The following HLCS variants were observed in gnomAD, a reference collection of about 807,000 sequenced individuals.
The protein encoded by HLCS is holocarboxylase synthetase, also known as biotin--protein ligase.
In HLCS, 53 loss-of-function variants were observed where a neutral mutation model predicts 75.0. The ratio of observed to expected loss-of-function variants is 0.71; its 90% CI spans 0.57 to 0.89. The LOEUF (loss-of-function observed/expected upper bound fraction) is 0.89. Ranked by LOEUF, HLCS falls within the 40% of genes least tolerant of loss-of-function variation. The pLI is 0.00. For synonymous variants in HLCS, 431 were observed against 428.6 expected (o/e 1.01, Z -0.07); for missense variants, 966 against 1,074.0 (o/e 0.90, Z 1.41).
At chr21:36,848,271 G>GC in intron 6 of HLCS, among the ~76,000 whole-genome samples, 1 of 138,586 alleles carries the variant, frequency 7.2e-6, no homozygotes, top group South Asian at 2.3e-4. Context: ...CATAATTGTT[G>GC]TTTTTTTTTT....
chr21:36,813,042 G>A (rs762050747), intron 6 of HLCS, among the ~76,000 whole-genome samples: 5 of 152,178 alleles, frequency 3.3e-5, no homozygotes, highest in Admixed American at 1.3e-4. Flanking sequence ...CTGAGCAACA[G>A]AGCGAGATTC....
chr21:36,841,795 G>A (rs2062626231), intron 6 of HLCS, among the ~76,000 whole-genome samples: 1 of 152,188 alleles, frequency 6.6e-6, no homozygotes, highest in Admixed American at 6.5e-5. Context: ...CAGCCACAGG[G>A]TAGGCCTGGC....
chr21:36,946,284 T>C (rs2067390085), intron 2 of HLCS: 1 of 159,656 alleles, frequency 6.3e-6, no homozygotes, highest in African/African-American at 2.4e-5. Flanking sequence ...TCTTACTTTA[T>C]CACCCAGGCT....
intron 6 of HLCS, among the ~76,000 whole-genome samples, chr21:36,881,591 C>CTT (rs372263053): frequency 7.0e-4 from 107 of 152,320 alleles, no homozygotes; most frequent in African/African-American, 2.0e-3. Flanking sequence ...GCAGAGAGAA[C>CTT]TTGTAACAGA....
At chr21:36,799,676 C>A (rs1005413655) in intron 6 of HLCS, among the ~76,000 whole-genome samples, 5 of 152,154 alleles carry the variant, frequency 3.3e-5, no homozygotes, top group Non-Finnish European at 5.9e-5. Context: ...CACATACTTT[C>A]GTCGGCCTGT....
intron 6 of HLCS, among the ~76,000 whole-genome samples, chr21:36,875,147 C>T (rs985839146): frequency 6.6e-6 from 1 of 152,140 alleles, no homozygotes; most frequent in Non-Finnish European, 1.5e-5. Context: ...TCAGCATAGA[C>T]AGCTGGGCAC....
chr21:36,987,621 C>T (rs940832824), intron 1 of HLCS, among the ~76,000 whole-genome samples: 2 of 152,114 alleles, frequency 1.3e-5, no homozygotes, highest in East Asian at 1.9e-4. Flanking sequence ...TCCAAAAAAA[C>T]GAAAAGTTGT....
chr21:36,943,004 A>C (rs1332912340), intron 2 of HLCS, among the ~76,000 whole-genome samples: 1 of 152,186 alleles, frequency 6.6e-6, no homozygotes, highest in Non-Finnish European at 1.5e-5. Flanking sequence ...ATCAGTCACG[A>C]AGGAAATGCA....
intron 5 of HLCS, among the ~76,000 whole-genome samples, chr21:36,927,673 TGC>T (rs1012493715): frequency 6.6e-6 from 1 of 152,244 alleles, no homozygotes; most frequent in Non-Finnish European, 1.5e-5. Flanking sequence ...CAAAAGAAAG[TGC>T]CACCAATATA....
At chr21:36,985,720 C>A (rs997613316) in intron 1 of HLCS, among the ~76,000 whole-genome samples, 1 of 151,304 alleles carries the variant, frequency 6.6e-6, no homozygotes, top group Non-Finnish European at 1.5e-5. Context: ...GAGCCAAGAT[C>A]GGGCCACTGC....
At chr21:36,961,902 C>T (rs2068311264) in intron 2 of HLCS, 134 bp downstream of exon 2, 7 of 430,178 alleles carry the variant, frequency 1.6e-5, no homozygotes, top group Admixed American at 1.5e-4. Flanking sequence ...CCCAGTGAGC[C>T]GAGATCACAC....
chr21:36,775,097 G>A (rs1205078379), intron 6 of HLCS, among the ~76,000 whole-genome samples: 1 of 152,158 alleles, frequency 6.6e-6, no homozygotes, highest in Non-Finnish European at 1.5e-5. Context: ...CCTCCCACTG[G>A]AGCTCCCCAG....
chr21:36,967,868 C>T (rs1157358691), upstream of HLCS, among the ~76,000 whole-genome samples: 5 of 151,802 alleles, frequency 3.3e-5, no homozygotes, highest in Non-Finnish European at 4.4e-5. Flanking sequence ...TACAGGTGCC[C>T]GTCACCATGC....
chr21:36,804,605 G>A (rs1199491143), intron 6 of HLCS, among the ~76,000 whole-genome samples: 2 of 152,172 alleles, frequency 1.3e-5, no homozygotes, highest in Non-Finnish European at 2.9e-5. Context: ...GTCCTATGGA[G>A]CTAAAAATAA....
At chr21:36,767,998 G>C (rs942522508) in intron 6 of HLCS, among the ~76,000 whole-genome samples, 1 of 151,660 alleles carries the variant, frequency 6.6e-6, no homozygotes, top group Non-Finnish European at 1.5e-5. Context: ...TCAAAAAAAG[G>C]AAAGAAAAAA....
At chr21:36,888,861 C>T (rs1290508495) in intron 6 of HLCS, among the ~76,000 whole-genome samples, 1 of 152,056 alleles carries the variant, frequency 6.6e-6, no homozygotes, top group Non-Finnish European at 1.5e-5. Flanking sequence ...ACGAGCTCTA[C>T]AGCATCAGAA....
intron 8 of HLCS, among the ~76,000 whole-genome samples, chr21:36,760,523 T>C (rs776431493): frequency 2.0e-5 from 3 of 151,870 alleles, no homozygotes; most frequent in South Asian, 2.1e-4. Flanking sequence ...GGCAGGAGAA[T>C]TGTGCGAACC....
chr21:36,970,115 T>C (rs2068745973), upstream of HLCS, among the ~76,000 whole-genome samples: 1 of 152,244 alleles, frequency 6.6e-6, no homozygotes, highest in Non-Finnish European at 1.5e-5. Flanking sequence ...CCCCATTAAA[T>C]ACATGGCAGA....
intron 5 of HLCS, among the ~76,000 whole-genome samples, chr21:36,915,565 G>A (rs1186602170): frequency 1.3e-5 from 2 of 152,126 alleles, no homozygotes; most frequent in Admixed American, 6.5e-5. Context: ...AGGAGAGGGC[G>A]GGTCTAACCC....
Sources: gnomAD v4.1 joint callset for allele counts (sites outside exome capture counted in the v4.1 genomes callset) on GRCh38, gnomAD v4.1.1 for gene constraint, MANE v1.5 for transcripts, NCBI Gene and HGNC (gene_info 2026-07-23, HGNC 2026-07-21) for gene names.